The following ADRA1A variants were observed in gnomAD, a reference collection of about 807,000 sequenced individuals.
ADRA1A encodes adrenoceptor alpha 1A.
Under a neutral mutation model 29.6 loss-of-function variants are expected in ADRA1A, and 31 were observed. The ratio of observed to expected loss-of-function variants is 1.05; its 90% confidence interval spans 0.79 to 1.41. The LOEUF is 1.41. Ranked by LOEUF, ADRA1A falls within the 40% of genes most tolerant of loss-of-function variation. The probability of loss-of-function intolerance (pLI) is 0.00; values close to 1 mark genes in which losing one functional copy is unlikely to be tolerated. For missense variants in ADRA1A, 619 were observed against 601.1 expected, an observed-to-expected ratio of 1.03 and a Z score of -0.31; for synonymous variants, 311 against 254.3, an observed-to-expected ratio of 1.22 and a Z score of -2.12.
chr8:26,778,240 A>G (rs1353132535), intron 2 of ADRA1A, among the ~76,000 whole-genome samples: 2 of 152,198 alleles, frequency 1.3e-5, no homozygotes, highest in African/African-American at 4.8e-5. Flanking sequence ...GGAAAGAGTA[A>G]TAGGGGACCC....
At chr8:26,816,735 T>C (rs1809794828) in intron 2 of ADRA1A, among the ~76,000 whole-genome samples, 1 of 152,162 alleles carries the variant, frequency 6.6e-6, no homozygotes, top group Non-Finnish European at 1.5e-5. Flanking sequence ...GCTCAGTACC[T>C]TGTCCACACA....
intron 2 of ADRA1A, among the ~76,000 whole-genome samples, chr8:26,839,019 T>C (rs1811596913): frequency 6.6e-6 from 1 of 152,226 alleles, no homozygotes; most frequent in African/African-American, 2.4e-5. Flanking sequence ...TAGAGATTTT[T>C]ATTTCAATAG....
At chr8:26,768,806 T>C (rs1585645464), downstream of ADRA1A, 2 of 709,864 alleles carry the variant, frequency 2.8e-6, no homozygotes, top group Non-Finnish European at 3.5e-6. Flanking sequence ...GATACACAAG[T>C]TCTGTACTGA....
intron 2 of ADRA1A, among the ~76,000 whole-genome samples, chr8:26,804,001 A>C (rs1419795643): frequency 1.4e-5 from 2 of 138,736 alleles, no homozygotes; most frequent in Non-Finnish European, 3.0e-5. Flanking sequence ...AGCTCACTGC[A>C]ACCTTGAATT....
intron 2 of ADRA1A, among the ~76,000 whole-genome samples, chr8:26,856,510 T>C (rs1394357329): frequency 6.6e-6 from 1 of 152,218 alleles, no homozygotes; most frequent in Non-Finnish European, 1.5e-5. Flanking sequence ...ACACCAGTTA[T>C]CTCTTGGCCT....
chr8:26,788,130 A>G (rs1807538766), intron 2 of ADRA1A, among the ~76,000 whole-genome samples: 2 of 152,160 alleles, frequency 1.3e-5, no homozygotes, highest in Admixed American at 1.3e-4. Context: ...AAATGTGCTC[A>G]CATTTCTTGC....
At chr8:26,785,998 C>A (rs901637890) in intron 2 of ADRA1A, among the ~76,000 whole-genome samples, 2 of 152,086 alleles carry the variant, frequency 1.3e-5, no homozygotes, top group Non-Finnish European at 2.9e-5. Flanking sequence ...TGATCTCCTG[C>A]ATGCCTGGGT....
At chr8:26,794,032 G>A (rs979140144) in intron 2 of ADRA1A, among the ~76,000 whole-genome samples, 1 of 151,956 alleles carries the variant, frequency 6.6e-6, no homozygotes, top group Non-Finnish European at 1.5e-5. Flanking sequence ...GTATCATTTA[G>A]AAATGAAGTT....
intron 2 of ADRA1A, among the ~76,000 whole-genome samples, chr8:26,780,163 A>T (rs1488244857): frequency 1.3e-5 from 2 of 152,120 alleles, no homozygotes. Context: ...AACCTTCTTC[A>T]TTCCTCATTC....
At chr8:26,863,736 G>A (rs1198871712) in intron 2 of ADRA1A, among the ~76,000 whole-genome samples, 1 of 152,190 alleles carries the variant, frequency 6.6e-6, no homozygotes, top group Non-Finnish European at 1.5e-5. Context: ...GTCAGCCTAA[G>A]CACTTGGTGG....
Position 26,864,667 on chromosome 8 carries a change from G to A in ADRA1A, c.303C>T (p.Ile101=), listed in dbSNP as rs1003946362. 1.9e-6 allele frequency: 3 copies of A among 1,614,090 alleles called. No homozygotes were observed. The highest frequency in any genetic ancestry group is 2.7e-5 in the African/African-American group (2 of 74,930). ...YWAFGRVFCN[I]WAAVDVLCCT... is the part of the protein sequence containing the mutation. ...AGCACAGCACATCCACTGCCGCCCAGATGTTGCAGAAGACCCTGCCGAAGG... is the reference window on the plus strand; with the variant it reads ...AGCACAGCACATCCACTGCCGCCCAAATGTTGCAGAAGACCCTGCCGAAGG... Residue 101 remains isoleucine, a synonymous_variant, in exon 2 of 3, where the codon ATC becomes ATT. Coordinates refer to ENST00000380573, the MANE Select transcript of ADRA1A (RefSeq NM_000680.4). The surrounding 1 kb of genome is among the most constrained non-coding windows in gnomAD (Gnocchi z 8.1).
chr8:26,757,219 G>A (rs985619109), intron 2 of ADRA1A: 2 of 695,628 alleles, frequency 2.9e-6, no homozygotes, highest in African/African-American at 1.8e-5. Context: ...ACAAGTTTGA[G>A]ATTCTGAGTC....
chr8:26,786,806 A>C (rs1370272142), intron 2 of ADRA1A, among the ~76,000 whole-genome samples: 1 of 152,012 alleles, frequency 6.6e-6, no homozygotes, highest in Non-Finnish European at 1.5e-5. Flanking sequence ...TCATAGCTCA[A>C]GCAATTGTTC....
At chr8:26,784,479 G>A (rs1201954900) in intron 2 of ADRA1A, among the ~76,000 whole-genome samples, 1 of 152,190 alleles carries the variant, frequency 6.6e-6, no homozygotes, top group Admixed American at 6.5e-5. Context: ...CCCCAGGTGG[G>A]TGTGGAAGCA....
At chr8:26,830,396 C>T (rs1810889897) in intron 2 of ADRA1A, among the ~76,000 whole-genome samples, 2 of 152,204 alleles carry the variant, frequency 1.3e-5, no homozygotes, top group African/African-American at 4.8e-5. Flanking sequence ...GCCTTGTTTT[C>T]TTCTGCCATC....
Position 26,808,026 on chromosome 8 carries a change from A to G in ADRA1A, c.884-37360T>C, listed in dbSNP as rs370188252. On this transcript the variant is annotated intron_variant, in intron 2 of 2. Coordinates refer to ENST00000380573, the MANE Select transcript of ADRA1A (RefSeq NM_000680.4). ...TAAGTTCATACTTTGAATAAGTAAT[A>G]CATTTACGTGGCTCAAAAATGAGAA... 2.6e-5 allele frequency among the ~76,000 whole-genome samples: 4 copies of G among 152,238 alleles called. No homozygotes were observed. The East Asian group carries it at 7.7e-4, about 29-fold the overall frequency.
At chr8:26,786,426 G>T (rs1190711322) in intron 2 of ADRA1A, among the ~76,000 whole-genome samples, 2 of 151,900 alleles carry the variant, frequency 1.3e-5, no homozygotes, top group Non-Finnish European at 2.9e-5. Context: ...AGTAGAGACA[G>T]GGTTTCACCA....
At chr8:26,798,862 T>A (rs1808371015) in intron 2 of ADRA1A, among the ~76,000 whole-genome samples, 1 of 152,220 alleles carries the variant, frequency 6.6e-6, no homozygotes, top group Non-Finnish European at 1.5e-5. Flanking sequence ...ACCATTTTCC[T>A]CTATAGTATT....
intron 2 of ADRA1A, chr8:26,779,008 A>C (rs563914117): frequency 1.6e-4 from 33 of 202,148 alleles, no homozygotes; most frequent in Non-Finnish European, 2.8e-4. Context: ...CCCTGAGACC[A>C]CCCAGTCTAA....
Sources: allele counts gnomAD v4.1 joint callset (sites outside exome capture counted in the v4.1 genomes callset), GRCh38; gene constraint gnomAD v4.1.1; non-coding constraint Gnocchi (gnomAD v3.1); transcripts MANE v1.5; gene names NCBI Gene and HGNC (gene_info 2026-07-23, HGNC 2026-07-21).